ADGRG7: variants seen among roughly 807,000 people sequenced by gnomAD.
ADGRG7 encodes the protein adhesion G protein-coupled receptor G7, also known as G-protein coupled receptor 128.
In ADGRG7, 82 loss-of-function variants were observed where a neutral mutation model predicts 88.6. The observed-to-expected ratio is 0.93, with a 90% CI of 0.77 to 1.11. The LOEUF (loss-of-function observed/expected upper bound fraction) is 1.11. Ranked by LOEUF, ADGRG7 falls within the 50% of genes most tolerant of loss-of-function variation. ADGRG7 has a pLI of 0.00. For missense variants in ADGRG7, 945 were observed against 953.4 expected, an observed-to-expected ratio of 0.99 and a Z score of 0.12; for synonymous variants, 381 against 345.2, an observed-to-expected ratio of 1.10 and a Z score of -1.15.
At chr3:100,641,405 G>A (rs952268764) in intron 6 of ADGRG7, among the ~76,000 whole-genome samples, 19 of 151,702 alleles carry the variant, frequency 1.3e-4, no homozygotes, top group Admixed American at 1.1e-3. Flanking sequence ...CACACTGAAG[G>A]TGTAACAATT....
chr3:100,654,879 G>T lies in ADGRG7; in HGVS notation c.1424G>T (p.Cys475Phe). 1 of 1,613,518 alleles carries T rather than the reference G, an allele frequency of 6.2e-7. No homozygotes were observed. Among genetic ancestry groups the T allele is most frequent in the Non-Finnish European group, 8.5e-7 (1 of 1,179,666 alleles). The change falls in exon 12 of 16, where the codon TGC becomes TTC. Residue 475 changes from cysteine to phenylalanine, a missense_variant. Cys to Phe is a radical substitution (Grantham distance 205, BLOSUM62 -2). Coordinates refer to ENST00000273352, the MANE Select transcript of ADGRG7 (RefSeq NM_032787.3). ...GTAACCTGGGTTTTGGTCAATCTGTGCATATCAATGTTGATTTTCAACCTC... is the reference window on the plus strand; with the variant it reads ...GTAACCTGGGTTTTGGTCAATCTGTTCATATCAATGTTGATTTTCAACCTC... ...TSVTWVLVNL[C>F]ISMLIFNLLF...
rs2095000087 is a variant in ADGRG7 at position 100,695,039 on chromosome 3, T to A, written c.*38T>A. 1.9e-6 allele frequency: 3 copies of A among 1,586,370 alleles called. No individual in the cohort carries two copies. Among genetic ancestry groups the A allele is most frequent in the East Asian group, 4.5e-5 (2 of 44,552 alleles). ...ACCTGTTGTGGTCTTTTTAATCACC[T>A]CGTTTGAGTTTTATCTGTTTCTCTC... On this transcript the variant is annotated 3_prime_UTR_variant, in exon 16 of 16. Coordinates refer to ENST00000273352, the MANE Select transcript of ADGRG7 (RefSeq NM_032787.3).
chr3:100,684,205 C>G (rs1308873688), intron 15 of ADGRG7, among the ~76,000 whole-genome samples: 1 of 151,396 alleles, frequency 6.6e-6, no homozygotes, highest in Non-Finnish European at 1.5e-5. Context: ...TTTTTAGACC[C>G]TGCATATTTA....
intron 1 of ADGRG7, among the ~76,000 whole-genome samples, chr3:100,628,865 A>C (rs1707418376): frequency 1.3e-5 from 2 of 152,122 alleles, no homozygotes; most frequent in Admixed American, 1.3e-4. Flanking sequence ...CCTTAGCCTC[A>C]GTCATTTCCC....
Position 100,629,866 on chromosome 3 carries a change from A to G in ADGRG7, c.229+155A>G, listed in dbSNP as rs530614890. Among the ~76,000 whole-genome samples the G allele has an allele frequency of 2.0e-5, 3 of 152,268 alleles. No homozygotes were observed. In the East Asian group the frequency reaches 5.8e-4, roughly 29 times the overall value. On this transcript the variant is annotated intron_variant, in intron 2 of 15. Coordinates refer to ENST00000273352, the MANE Select transcript of ADGRG7 (RefSeq NM_032787.3). ...GGATGTGTTTATCAGCTCAATAGTA[A>G]AAGCTGAGTTTTCTTCTTGGCCAAT...
intron 15 of ADGRG7, among the ~76,000 whole-genome samples, chr3:100,678,808 C>T (rs2094969010): frequency 2.6e-5 from 4 of 152,080 alleles, no homozygotes; most frequent in Admixed American, 1.3e-4. Flanking sequence ...CAGAGTGCCT[C>T]TCTCTCTCTG....
intron 15 of ADGRG7, among the ~76,000 whole-genome samples, chr3:100,680,769 G>A (rs28654529): frequency 0.033 from 4,962 of 152,054 alleles, 273 homozygotes; most frequent in African/African-American, 0.11. Context: ...CATAGTATAC[G>A]TTTATGTATT....
intron 8 of ADGRG7, among the ~76,000 whole-genome samples, chr3:100,644,256 G>A (rs66517733): frequency 0.079 from 11,964 of 151,866 alleles, 686 homozygotes; most frequent in East Asian, 0.25. Context: ...AAAACCCGAT[G>A]TCAGAAAGTA....
intron 1 of ADGRG7, among the ~76,000 whole-genome samples, chr3:100,615,874 G>C (rs1260100122): frequency 6.6e-6 from 1 of 152,148 alleles, no homozygotes; most frequent in Admixed American, 6.5e-5. Context: ...AAGCAAGGGA[G>C]CTGGACCTGA....
chr3:100,619,749 A>G (rs1707280606), intron 1 of ADGRG7, among the ~76,000 whole-genome samples: 1 of 152,202 alleles, frequency 6.6e-6, no homozygotes, highest in African/African-American at 2.4e-5. Flanking sequence ...CCACAGAAAT[A>G]CAAACTACCA....
intron 14 of ADGRG7, among the ~76,000 whole-genome samples, chr3:100,660,192 G>T (rs2149031427): frequency 6.6e-6 from 1 of 152,288 alleles, no homozygotes; most frequent in Non-Finnish European, 1.5e-5. Flanking sequence ...AAGGTTGTGG[G>T]AAAATGCTGA....
At chr3:100,637,237 A>G (rs1163265197) in intron 5 of ADGRG7, 65 bp from the exon 6 acceptor site, 10 of 1,045,374 alleles carry the variant, frequency 9.6e-6, no homozygotes, top group Admixed American at 8.7e-5. Flanking sequence ...ATTCATGATG[A>G]TAATGATGGT....
In ADGRG7 at chr3:100,655,090, A is replaced by C; in HGVS notation, c.1635A>C (p.Ala545=). Residue 545 remains alanine, a synonymous_variant, in exon 12 of 16, where the codon GCA becomes GCC. Transcript: ENST00000273352. Reference sequence around the variant, plus strand: ...TGTTAGTGACATTTACCTGGAACGCACTCAGCGCTGCACAGCTCTATTACC... The same window carrying C: ...TGTTAGTGACATTTACCTGGAACGCCCTCAGCGCTGCACAGCTCTATTACC... The part of the protein sequence containing the change: ...YFLLVTFTWN[A]LSAAQLYYLL... 6.2e-7 allele frequency: 1 copy of C among 1,614,106 alleles called. No homozygotes were observed. Among genetic ancestry groups the C allele is most frequent in the Non-Finnish European group, 8.5e-7 (1 of 1,180,006 alleles).
At chr3:100,679,276 C>T (rs1175750553) in intron 15 of ADGRG7, among the ~76,000 whole-genome samples, 1 of 152,222 alleles carries the variant, frequency 6.6e-6, no homozygotes, top group Non-Finnish European at 1.5e-5. Flanking sequence ...CATTGCCTGG[C>T]TACCACTGAT....
At chr3:100,688,450 T>C (rs1383132564) in intron 15 of ADGRG7, among the ~76,000 whole-genome samples, 2 of 152,190 alleles carry the variant, frequency 1.3e-5, no homozygotes, top group East Asian at 3.9e-4. Context: ...GCTTCTCTAG[T>C]TCTTTTAGTT....
intron 10 of ADGRG7, among the ~76,000 whole-genome samples, chr3:100,647,699 C>T (rs553567811): frequency 0.014 from 606 of 44,300 alleles, 3 homozygotes; most frequent in South Asian, 0.03. Flanking sequence ...TCTATTATTC[C>T]GGTGAAACAA....
At chr3:100,671,915 A>G (rs1220861160) in intron 15 of ADGRG7, among the ~76,000 whole-genome samples, 4 of 152,110 alleles carry the variant, frequency 2.6e-5, no homozygotes, top group East Asian at 1.9e-4. Context: ...ATTGGTCTAT[A>G]TATCTGTTTT....
In ADGRG7 at chr3:100,637,397, T is replaced by C. The variant is rs1466408709; in HGVS notation, c.693T>C (p.Leu231=). ...CTGCTACTGCTAATGATGATGCCCTTACAACGTAAGCACAAATTCAATTTG... is the reference window on the plus strand; with the variant it reads ...CTGCTACTGCTAATGATGATGCCCTCACAACGTAAGCACAAATTCAATTTG... The part of the protein sequence containing the change: ...RVAATANDDA[L]TTLIEQMETY... Residue 231 remains leucine, a synonymous_variant, in exon 6 of 16, where the codon CTT becomes CTC. Transcript: ENST00000273352. The C allele has an allele frequency of 6.2e-7, 1 of 1,609,422 alleles. No individual in the cohort carries two copies. Among genetic ancestry groups the C allele is most frequent in the Non-Finnish European group, 8.5e-7 (1 of 1,175,944 alleles).
chr3:100,616,961 A>G (rs1707234842), intron 1 of ADGRG7, among the ~76,000 whole-genome samples: 1 of 152,186 alleles, frequency 6.6e-6, no homozygotes, highest in Admixed American at 6.5e-5. Context: ...AAAAAATTTG[A>G]TGTATAGAAG....
Sources: allele counts gnomAD v4.1 joint callset (sites outside exome capture counted in the v4.1 genomes callset), GRCh38; gene constraint gnomAD v4.1.1; transcripts MANE v1.5; gene names NCBI Gene and HGNC (gene_info 2026-07-23, HGNC 2026-07-21).